Variants in TGFBR3 observed in about 807,000 individuals in gnomAD.
TGFBR3 encodes the protein transforming growth factor beta receptor type 3.
Under a neutral mutation model 87.9 loss-of-function variants are expected in TGFBR3, and 46 were observed. That is an observed-to-expected ratio of 0.52 (90% CI 0.41 to 0.67). TGFBR3 has a LOEUF of 0.67. Among genes scored for constraint, TGFBR3 ranks in the 30% least tolerant of loss-of-function variants. The probability of loss-of-function intolerance (pLI) is 0.00; values close to 1 mark genes in which losing one functional copy is unlikely to be tolerated. For missense variants in TGFBR3, 866 were observed against 1,041.9 expected, an observed-to-expected ratio of 0.83 and a Z score of 2.32; for synonymous variants, 381 against 391.6, an observed-to-expected ratio of 0.97 and a Z score of 0.32.
At chr1:91,775,825 G>A (rs750927279) in intron 3 of TGFBR3, among the ~76,000 whole-genome samples, 1 of 152,222 alleles carries the variant, frequency 6.6e-6, no homozygotes, top group Non-Finnish European at 1.5e-5. Flanking sequence ...CTGGGCATGT[G>A]AATGATACAT....
chr1:91,696,848 T>C (rs993845479), intron 15 of TGFBR3, among the ~76,000 whole-genome samples: 1 of 152,134 alleles, frequency 6.6e-6, no homozygotes, highest in Non-Finnish European at 1.5e-5. Context: ...TTTTTTTACA[T>C]TGAAGACTGC....
chr1:91,691,998 A>G (rs1380142456), intron 16 of TGFBR3, among the ~76,000 whole-genome samples: 1 of 152,138 alleles, frequency 6.6e-6, no homozygotes, highest in African/African-American at 2.4e-5. Flanking sequence ...ACTCCGTCTC[A>G]AAACAAAAAA....
At chr1:91,840,460 C>T (rs1406916377) in intron 2 of TGFBR3, among the ~76,000 whole-genome samples, 5 of 139,354 alleles carry the variant, frequency 3.6e-5, no homozygotes, top group Admixed American at 3.5e-4. Context: ...TTTGTAATAT[C>T]ATGCATGATT....
intron 2 of TGFBR3, among the ~76,000 whole-genome samples, chr1:91,826,358 C>T (rs1676633273): frequency 6.6e-6 from 1 of 152,152 alleles, no homozygotes; most frequent in African/African-American, 2.4e-5. Context: ...TATTTTAAGT[C>T]CCGCTCACAT....
rs1175899984 is a variant in TGFBR3, at chr1:91,683,705, T to C, written c.*34A>G. Reference sequence around the variant, plus strand: ...TGGCAGTAGCTGAGCTGAGCTGGGCTGGGCTGGGTTGGGCCGGGTTGGGCT... The same window carrying C: ...TGGCAGTAGCTGAGCTGAGCTGGGCCGGGCTGGGTTGGGCCGGGTTGGGCT... On this transcript the variant is annotated 3_prime_UTR_variant, in exon 17 of 17. Coordinates refer to ENST00000212355, the MANE Select transcript of TGFBR3 (RefSeq NM_003243.5). The C allele has an allele frequency of 7.0e-7, 1 of 1,437,824 alleles. No individual in the cohort carries two copies. The highest frequency in any genetic ancestry group is 2.1e-5 in the Admixed American group (1 of 48,602). 89.1% of individuals were successfully genotyped at this position (1,437,824 alleles called of 1,614,324 possible). A position where few individuals can be genotyped will look rare whatever the true frequency, so the allele number is the denominator to read the frequency against.
Position 91,691,976 on chromosome 1 carries a change from T to G in TGFBR3, c.2437+3696A>C, listed in dbSNP as rs533886595. ...TTGCGCCATTGCACTCCAGCCCGGG[T>G]GACAGAGCGAGACTCCGTCTCAAAA... On this transcript the variant is annotated intron_variant, in intron 16 of 16. Transcript: ENST00000212355. Among the ~76,000 whole-genome samples, 324 of 151,682 alleles carry G rather than the reference T, an allele frequency of 2.1e-3. 1 individual carries two copies. The highest frequency in any genetic ancestry group is 7.7e-3 in the African/African-American group (318 of 41,316).
intron 2 of TGFBR3, among the ~76,000 whole-genome samples, chr1:91,826,985 GA>G (rs1433620244): frequency 1.3e-5 from 2 of 152,056 alleles, no homozygotes; most frequent in African/African-American, 4.8e-5. Flanking sequence ...TTTTAACGGA[GA>G]AAAAAAATTA....
intron 1 of TGFBR3, among the ~76,000 whole-genome samples, chr1:91,863,139 G>A (rs149618395): frequency 9.6e-4 from 146 of 152,136 alleles, no homozygotes; most frequent in African/African-American, 3.3e-3. Context: ...TTCCCTTCTG[G>A]GTTTTGTATT....
rs972192321 is a variant in TGFBR3 at position 91,818,378 on chromosome 1, T to C, written c.62-20907A>G. ...AGCTGTGACACAAAGAAAAGCTGAC[T>C]CTGCACATGCCTCATTGTTTTCTAT... is the stretch of plus-strand genomic sequence containing the variant. On this transcript the variant is annotated intron_variant, in intron 2 of 16. Transcript: ENST00000212355. Among the ~76,000 whole-genome samples, 4 of 150,962 alleles carry C rather than the reference T, an allele frequency of 2.6e-5. No homozygotes were observed. The East Asian group carries it at 7.8e-4, about 29-fold the overall frequency.
intron 2 of TGFBR3, among the ~76,000 whole-genome samples, chr1:91,820,189 T>C (rs1300228491): frequency 6.6e-6 from 1 of 152,216 alleles, no homozygotes; most frequent in Admixed American, 6.5e-5. Context: ...TGTAATCTTC[T>C]CAGCCAGGTT....
intron 1 of TGFBR3, among the ~76,000 whole-genome samples, chr1:91,903,338 CAA>C (rs58672104): frequency 0.023 from 1,170 of 50,388 alleles, 11 homozygotes; most frequent in African/African-American, 0.078. Flanking sequence ...GATTCTGCCT[CAA>C]AAAAAAAAAA....
At chr1:91,738,784 C>A (rs1319646115) in intron 4 of TGFBR3, among the ~76,000 whole-genome samples, 1 of 152,176 alleles carries the variant, frequency 6.6e-6, no homozygotes, top group Non-Finnish European at 1.5e-5. Flanking sequence ...GGAGTGCCTG[C>A]CTACTCCATT....
At position 91,716,677 on chromosome 1, in the gene TGFBR3, C is replaced by T; in HGVS notation, c.1598G>A (p.Ser533Asn). Residue 533 changes from serine (S) to asparagine (N), a missense_variant, in exon 11 of 17, where the codon AGT becomes AAT. Physicochemically the swap from Ser to Asn is conservative, Grantham distance 46. Transcript: ENST00000212355. Reference protein sequence around the residue: ...IVIQVPALGDSSGWPDGYEDL... With the variant: ...IVIQVPALGDNSGWPDGYEDL... Reference sequence around the variant, plus strand: ...TTCATAACCATCTGGCCAACCACTACTGTCCCCAAGGGCTGGAACCTGTAT... The same window carrying T: ...TTCATAACCATCTGGCCAACCACTATTGTCCCCAAGGGCTGGAACCTGTAT... 6.2e-7 allele frequency: 1 copy of T among 1,614,138 alleles called. No homozygotes were observed. Among genetic ancestry groups the T allele is most frequent in the East Asian group, 2.2e-5 (1 of 44,880 alleles).
rs149809032 is a variant in TGFBR3, at chr1:91,884,167, A to G, written c.-114+1711T>C. Among the ~76,000 whole-genome samples, 20 of 147,026 alleles carry G rather than the reference A, an allele frequency of 1.4e-4. 1 individual carries two copies. The East Asian group carries it at 4.0e-3, about 29-fold the overall frequency. ...AAACGCCGTCTCTACTAAAAATACA[A>G]AAGTTAGCTGGGCGTGGTAGCGCGC... On this transcript the variant is annotated intron_variant, in intron 1 of 16. Transcript: ENST00000212355.
rs188034157 is a variant in TGFBR3 at position 91,719,930 on chromosome 1, T to C, written c.1376A>G (p.Glu459Gly). The part of the protein sequence containing the change: ...DIALSVKCDN[E>G]KMIVAVEKDS... ...TTTTTCTACAGCCACGATCATCTTC[T>C]CATTGTCACATTTGACAGACAGGGC... The change falls in exon 9 of 17, where the codon GAG (glutamate) becomes GGG (glycine). Residue 459 changes from glutamate to glycine, a missense_variant. Glu to Gly is a moderately conservative substitution (Grantham distance 98, BLOSUM62 -2). Transcript: ENST00000212355. 3.7e-5 allele frequency: 59 copies of C among 1,614,230 alleles called. No homozygotes were observed. The East Asian group carries it at 1.3e-3, about 35-fold the overall frequency.
intron 1 of TGFBR3, among the ~76,000 whole-genome samples, chr1:91,869,222 A>G (rs949541265): frequency 2.0e-5 from 3 of 152,166 alleles, no homozygotes; most frequent in Non-Finnish European, 2.9e-5. Flanking sequence ...TGTAATTATT[A>G]TGTAATTATT....
chr1:91,864,593 C>T (rs937694666), intron 1 of TGFBR3, among the ~76,000 whole-genome samples: 3 of 152,122 alleles, frequency 2.0e-5, no homozygotes, highest in African/African-American at 7.2e-5. Context: ...TCTAATCTCC[C>T]CAGTGTGGTG....
chr1:91,832,593 A>T (rs879331860), intron 2 of TGFBR3, among the ~76,000 whole-genome samples: 18 of 152,220 alleles, frequency 1.2e-4, no homozygotes, highest in Non-Finnish European at 2.5e-4. Context: ...AAGTCATAAA[A>T]TTATTGAATC....
chr1:91,867,943 G>C (rs1193740064), intron 1 of TGFBR3, among the ~76,000 whole-genome samples: 2 of 152,110 alleles, frequency 1.3e-5, no homozygotes, highest in Non-Finnish European at 2.9e-5. Flanking sequence ...TTTTGAGATG[G>C]AGTCTCACTC....
Sources: gnomAD v4.1 joint callset for allele counts (sites outside exome capture counted in the v4.1 genomes callset) on GRCh38, gnomAD v4.1.1 for gene constraint, MANE v1.5 for transcripts, NCBI Gene and HGNC (gene_info 2026-07-23, HGNC 2026-07-21) for gene names.